The following STIL variants were observed in gnomAD, a reference collection of about 807,000 sequenced individuals.
STIL encodes SCL-interrupting locus protein.
STIL carries 55 observed loss-of-function variants against 110.1 expected under a neutral mutation model. The observed-to-expected ratio is 0.50, with a 90% confidence interval of 0.40 to 0.63. The LOEUF (loss-of-function observed/expected upper bound fraction) is 0.63. Ranked by LOEUF, STIL falls within the 20% of genes least tolerant of loss-of-function variation. STIL has a pLI of 0.00. For synonymous variants in STIL, 481 were observed against 530.0 expected (o/e 0.91, Z 1.27); for missense variants, 1,358 against 1,530.0 (o/e 0.89, Z 1.87).
At chr1:47,313,568 T>A (rs1646202558) in intron 1 of STIL, among the ~76,000 whole-genome samples, 1 of 147,362 alleles carries the variant, frequency 6.8e-6, no homozygotes, top group Non-Finnish European at 1.5e-5. Context: ...CCAACTCGAA[T>A]GTCACTTCCT....
intron 6 of STIL, among the ~76,000 whole-genome samples, chr1:47,297,590 T>C (rs1316338206): frequency 2.6e-5 from 4 of 152,160 alleles, no homozygotes; most frequent in Non-Finnish European, 5.9e-5. Flanking sequence ...TCAAATTTTT[T>C]TTTAATGATG....
intron 10 of STIL, among the ~76,000 whole-genome samples, chr1:47,286,535 C>T (rs1204309116): frequency 6.6e-5 from 10 of 151,206 alleles, no homozygotes; most frequent in African/African-American, 4.9e-5. Context: ...AGTGAAACTC[C>T]GTCTCTACTA....
chr1:47,280,962 A>C lies in STIL; in HGVS notation c.1496T>G (p.Leu499Arg). The C allele has an allele frequency of 1.2e-6, 2 of 1,614,034 alleles. No homozygotes were observed. The highest frequency in any genetic ancestry group is 2.7e-5 in the African/African-American group (2 of 75,010). ...CTGTCTTACTTTGCAGTGTCTCAAA[A>C]GAGCTGGTTTATCCTGGTTTAACTG... ...PNQLNQDKPA[L>R]LRHCKVRQPP... The change falls in exon 12 of 17, where the codon CTT becomes CGT. Residue 499 changes from leucine (L) to arginine (R), a missense_variant. Transcript: ENST00000371877.
In STIL at chr1:47,300,383, C is replaced by A. The variant is rs149033908; in HGVS notation, c.454-231G>T. On this transcript the variant is annotated intron_variant, in intron 5 of 16. Transcript: ENST00000371877. Reference sequence around the variant, plus strand: ...TGTCCCAAGCTCCACTACACATTTTCAATGTAGATATCCCAGCAGCACTTC... The same window carrying A: ...TGTCCCAAGCTCCACTACACATTTTAAATGTAGATATCCCAGCAGCACTTC... Among the ~76,000 whole-genome samples, 1,357 of 152,214 alleles carry A rather than the reference C, an allele frequency of 8.9e-3. 12 individuals are homozygous for A. The highest frequency in any genetic ancestry group is 0.019 in the South Asian group (91 of 4,824).
At chr1:47,309,331 C>A (rs936090019) in intron 2 of STIL, among the ~76,000 whole-genome samples, 1 of 151,954 alleles carries the variant, frequency 6.6e-6, no homozygotes, top group African/African-American at 2.4e-5. Flanking sequence ...GGGGTTTCCC[C>A]ATGTTGCCCA....
intron 16 of STIL, among the ~76,000 whole-genome samples, chr1:47,254,908 G>C (rs1194889876): frequency 6.6e-5 from 10 of 152,112 alleles, no homozygotes; most frequent in African/African-American, 2.4e-4. Context: ...AGTTTAGAAG[G>C]CTATTCAAGT....
chr1:47,272,958 A>G lies in STIL; in HGVS notation c.2218-717T>C, dbSNP rs1313146981. ...ATGTTTGCCCATGTTGAAATTGGAT[A>G]TATTAATAACAATGGCTAACAGTTA... On this transcript the variant is annotated intron_variant, in intron 12 of 16. Coordinates refer to ENST00000371877, the MANE Select transcript of STIL (RefSeq NM_001048166.1). Among the ~76,000 whole-genome samples the G allele has an allele frequency of 2.6e-5, 4 of 152,202 alleles. No individual in the cohort carries two copies. The East Asian group carries it at 7.7e-4, about 29-fold the overall frequency.
chr1:47,254,688 G>A, intron 16 of STIL, among the ~76,000 whole-genome samples: 1 of 151,904 alleles, frequency 6.6e-6, no homozygotes, highest in Non-Finnish European at 1.5e-5. Flanking sequence ...ATGCCACCAT[G>A]CCCAGCTAAT....
intron 16 of STIL, among the ~76,000 whole-genome samples, chr1:47,259,440 G>A (rs1046211682): frequency 1.7e-4 from 26 of 150,808 alleles, no homozygotes; most frequent in Middle Eastern, 3.5e-3. Flanking sequence ...ACAGGCGCCC[G>A]CCACCGCACC....
At chr1:47,282,692 G>C (rs1181937922) in intron 10 of STIL, 1 of 463,420 alleles carries the variant, frequency 2.2e-6, no homozygotes, top group Non-Finnish European at 3.9e-6. Context: ...GTTTAACCTT[G>C]TATTGTTAAT....
In STIL at chr1:47,250,193, C is replaced by G. The variant is rs1486888402; in HGVS notation, c.*943G>C. On this transcript the variant is annotated 3_prime_UTR_variant, in exon 17 of 17. Coordinates refer to ENST00000371877, the MANE Select transcript of STIL (RefSeq NM_001048166.1). The stretch of plus-strand genomic sequence containing the variant: ...GTTCTATTAAAAAATATTAAGACAT[C>G]TGAAAAACTCAGAAAGTTTATAAAA... The G allele has an allele frequency of 5.9e-6, 1 of 168,892 alleles. No homozygotes were observed. Among genetic ancestry groups the G allele is most frequent in the African/African-American group, 2.4e-5 (1 of 42,014 alleles). 10.5% of individuals were successfully genotyped at this position (168,892 alleles called of 1,614,324 possible). A position where few individuals can be genotyped will look rare whatever the true frequency, so the allele number is the denominator to read the frequency against.
At chr1:47,263,672 C>T (rs912207261) in intron 14 of STIL, among the ~76,000 whole-genome samples, 1 of 150,416 alleles carries the variant, frequency 6.6e-6, no homozygotes, top group African/African-American at 2.5e-5. Flanking sequence ...CTGTTGATTT[C>T]TCCTGAACTT....
intron 6 of STIL, among the ~76,000 whole-genome samples, chr1:47,296,330 T>A (rs1645641088): frequency 6.6e-6 from 1 of 152,168 alleles, no homozygotes; most frequent in South Asian, 2.1e-4. Context: ...GCCATATTCC[T>A]CCAACCACTG....
chr1:47,274,055 C>A (rs1165501014), intron 12 of STIL, among the ~76,000 whole-genome samples: 1 of 151,850 alleles, frequency 6.6e-6, no homozygotes, highest in Non-Finnish European at 1.5e-5. Context: ...TAATTTGTTG[C>A]GTACTTCCTC....
Position 47,250,164 on chromosome 1 carries a change from T to G in STIL, c.*972A>C, listed in dbSNP as rs1644149505. ...GAAAATAGTCAATCTAGACATTTTA[T>G]TAAGTTCTATTAAAAAATATTAAGA... is the stretch of plus-strand genomic sequence containing the variant. On this transcript the variant is annotated 3_prime_UTR_variant, in exon 17 of 17. Transcript: ENST00000371877. The G allele has an allele frequency of 6.0e-6, 1 of 165,768 alleles. No individual in the cohort carries two copies. The highest frequency in any genetic ancestry group is 2.0e-4 in the South Asian group (1 of 4,934). 10.3% of individuals were successfully genotyped at this position (165,768 alleles called of 1,614,324 possible). A position where few individuals can be genotyped will look rare whatever the true frequency, so the allele number is the denominator to read the frequency against.
chr1:47,272,345 C>G, intron 12 of STIL, 104 bp from the exon 13 acceptor site: 3 of 1,188,038 alleles, frequency 2.5e-6, no homozygotes, highest in South Asian at 1.3e-5. Context: ...AAGAAACTGA[C>G]TTTTAAGTCT....
chr1:47,257,231 A>G (rs978472848), intron 16 of STIL, among the ~76,000 whole-genome samples: 1 of 152,264 alleles, frequency 6.6e-6, no homozygotes, highest in Non-Finnish European at 1.5e-5. Context: ...TTAATCAGGT[A>G]GGCCTCAGAT....
chr1:47,298,952 T>C (rs967156318), intron 6 of STIL, among the ~76,000 whole-genome samples: 8 of 152,076 alleles, frequency 5.3e-5, no homozygotes, highest in Non-Finnish European at 2.9e-5. Context: ...AGTTTCACCA[T>C]GTTGGTGAGG....
intron 12 of STIL, among the ~76,000 whole-genome samples, chr1:47,275,004 T>C (rs950860787): frequency 1.4e-4 from 21 of 151,502 alleles, no homozygotes; most frequent in Non-Finnish European, 2.5e-4. Context: ...CCACAAAAAT[T>C]AGCCGGGCAT....
Sources: gnomAD v4.1 joint callset for allele counts (sites outside exome capture counted in the v4.1 genomes callset) on GRCh38, gnomAD v4.1.1 for gene constraint, MANE v1.5 for transcripts, NCBI Gene and HGNC (gene_info 2026-07-23, HGNC 2026-07-21) for gene names.